The following COG5 variants were observed in gnomAD, a reference collection of about 807,000 sequenced individuals.
COG5 encodes conserved oligomeric Golgi complex subunit 5.
A neutral mutation model predicts 110.4 loss-of-function variants in COG5; 86 were observed. The observed-to-expected ratio is 0.78, with a 90% CI of 0.65 to 0.93. The LOEUF is 0.93. Ranked by LOEUF, COG5 falls within the 40% of genes least tolerant of loss-of-function variation. The pLI is 0.00. For synonymous variants in COG5, 360 were observed against 334.6 expected, an observed-to-expected ratio of 1.08 and a Z score of -0.83; for missense variants, 1,077 against 987.0, an observed-to-expected ratio of 1.09 and a Z score of -1.22.
At chr7:107,435,607 C>T (rs573211816) in intron 6 of COG5, among the ~76,000 whole-genome samples, 24 of 151,990 alleles carry the variant, frequency 1.6e-4, no homozygotes, top group South Asian at 1.2e-3. Context: ...GAGCCAAGAT[C>T]GTGCCACTGT....
intron 6 of COG5, among the ~76,000 whole-genome samples, chr7:107,453,666 T>G (rs911852245): frequency 3.9e-5 from 6 of 152,198 alleles, no homozygotes; most frequent in African/African-American, 1.4e-4. Flanking sequence ...TTTTAACTTA[T>G]CTGAAATATC....
chr7:107,519,510 TAAA>T (rs998021022), intron 6 of COG5, among the ~76,000 whole-genome samples: 1 of 151,644 alleles, frequency 6.6e-6, no homozygotes, highest in African/African-American at 2.4e-5. Flanking sequence ...GAGAATACTA[TAAA>T]AACCTCTACG....
At chr7:107,218,317 C>G (rs888671929) in intron 19 of COG5, among the ~76,000 whole-genome samples, 6 of 152,034 alleles carry the variant, frequency 3.9e-5, no homozygotes, top group African/African-American at 7.2e-5. Context: ...TATGAAAATT[C>G]CAATGTCTTT....
chr7:107,212,410 T>A (rs1356025893), intron 19 of COG5, among the ~76,000 whole-genome samples: 1 of 152,210 alleles, frequency 6.6e-6, no homozygotes, highest in East Asian at 1.9e-4. Flanking sequence ...AAGGTCCAAA[T>A]AATTTCACAG....
chr7:107,204,921 A>G (rs1798650401), intron 21 of COG5, among the ~76,000 whole-genome samples: 1 of 152,218 alleles, frequency 6.6e-6, no homozygotes, highest in South Asian at 2.1e-4. Flanking sequence ...TTATTTCAAC[A>G]AAGGGCACCA....
chr7:107,421,366 T>C (rs996081361), intron 6 of COG5, among the ~76,000 whole-genome samples: 4 of 152,182 alleles, frequency 2.6e-5, no homozygotes, highest in Non-Finnish European at 1.5e-5. Context: ...CTAATTGACA[T>C]CTACAGAGCA....
At chr7:107,262,208 C>T (rs912738126) in intron 14 of COG5, among the ~76,000 whole-genome samples, 3 of 151,990 alleles carry the variant, frequency 2.0e-5, no homozygotes, top group Admixed American at 2.0e-4. Flanking sequence ...GATTCTAATT[C>T]CAATAATTCA....
At chr7:107,440,271 A>C (rs1283108866) in intron 6 of COG5, among the ~76,000 whole-genome samples, 2 of 152,150 alleles carry the variant, frequency 1.3e-5, no homozygotes, top group Non-Finnish European at 2.9e-5. Flanking sequence ...TGTTTGAATG[A>C]ATTAATTACC....
intron 11 of COG5, among the ~76,000 whole-genome samples, chr7:107,310,536 C>T (rs527703788): frequency 6.6e-4 from 101 of 152,258 alleles, no homozygotes; most frequent in African/African-American, 2.1e-3. Context: ...ATGGCAGATG[C>T]TACGGACACC....
Position 107,203,296 on chromosome 7 carries a change from C to G in COG5, c.*220G>C, listed in dbSNP as rs1281689688. The G allele has an allele frequency of 1.8e-6, 1 of 566,326 alleles. No homozygotes were observed. The highest frequency in any genetic ancestry group is 3.0e-5 in the East Asian group (1 of 33,052). The allele number at this position is 566,326 out of a possible 1,614,324, so 35.1% of individuals were successfully genotyped here. ...AAATCTGAAAGAGGAAAACATCTTT[C>G]TGGAAAAATCAGGTCCATGGAATTG... On this transcript the variant is annotated 3_prime_UTR_variant, in exon 22 of 22. Transcript: ENST00000297135.
intron 17 of COG5, among the ~76,000 whole-genome samples, chr7:107,242,702 C>A (rs1801739143): frequency 6.6e-6 from 1 of 152,188 alleles, no homozygotes; most frequent in African/African-American, 2.4e-5. Flanking sequence ...CCCACAGGTC[C>A]CCCTGCCTCT....
chr7:107,298,993 A>T (rs933472789), intron 11 of COG5, among the ~76,000 whole-genome samples: 3 of 152,174 alleles, frequency 2.0e-5, no homozygotes, highest in Admixed American at 6.5e-5. Context: ...CTGAACGAAA[A>T]TTTTAACGCA....
chr7:107,447,992 C>T (rs1364458484), intron 6 of COG5, among the ~76,000 whole-genome samples: 2 of 152,062 alleles, frequency 1.3e-5, no homozygotes, highest in Admixed American at 6.5e-5. Flanking sequence ...CCCATCTCTA[C>T]TAAAAATACA....
intron 11 of COG5, among the ~76,000 whole-genome samples, chr7:107,300,939 G>T (rs971714020): frequency 1.3e-5 from 2 of 151,784 alleles, no homozygotes; most frequent in East Asian, 3.9e-4. Flanking sequence ...CTAGTACTGG[G>T]GTAAAGACAG....
intron 14 of COG5, among the ~76,000 whole-genome samples, chr7:107,274,100 A>G (rs539275537): frequency 6.6e-6 from 1 of 152,346 alleles, no homozygotes; most frequent in East Asian, 1.9e-4. Context: ...ACACACCATT[A>G]GGATTCAAGT....
chr7:107,296,553 G>T (rs1035683164), intron 12 of COG5, among the ~76,000 whole-genome samples: 1 of 149,400 alleles, frequency 6.7e-6, no homozygotes, highest in Non-Finnish European at 1.5e-5. Context: ...ACCTATCATG[G>T]CCATTTATTT....
chr7:107,513,554 A>T (rs1003001144), intron 6 of COG5, among the ~76,000 whole-genome samples: 3 of 152,186 alleles, frequency 2.0e-5, no homozygotes, highest in African/African-American at 7.2e-5. Context: ...CTGGGTATAT[A>T]CCCAAAGGAT....
intron 17 of COG5, among the ~76,000 whole-genome samples, chr7:107,245,000 A>G (rs1017650801): frequency 3.3e-5 from 5 of 152,176 alleles, no homozygotes; most frequent in Non-Finnish European, 7.3e-5. Flanking sequence ...CACAGCGAAA[A>G]AAGAAAACTT....
intron 6 of COG5, among the ~76,000 whole-genome samples, chr7:107,414,510 G>A (rs949555108): frequency 6.6e-6 from 1 of 151,904 alleles, no homozygotes; most frequent in Non-Finnish European, 1.5e-5. Context: ...GGGAATTCAA[G>A]CACATCAGTC....
Sources: gnomAD v4.1 joint callset for allele counts (sites outside exome capture counted in the v4.1 genomes callset) on GRCh38, gnomAD v4.1.1 for gene constraint, MANE v1.5 for transcripts, NCBI Gene and HGNC (gene_info 2026-07-23, HGNC 2026-07-21) for gene names.